Variants in LRRC28 observed in about 807,000 individuals in gnomAD.
LRRC28 encodes the protein leucine rich repeat containing 28.
LRRC28 carries 39 observed loss-of-function variants against 45.7 expected under a neutral mutation model. The observed-to-expected ratio is 0.85, with a 90% CI of 0.66 to 1.12. The LOEUF (loss-of-function observed/expected upper bound fraction) is 1.12. Ranked by LOEUF, LRRC28 falls within the 50% of genes most tolerant of loss-of-function variation. The pLI is 0.00. For synonymous variants in LRRC28, 206 were observed against 178.8 expected (o/e 1.15, Z -1.22); for missense variants, 435 against 438.5 (o/e 0.99, Z 0.07).
intron 3 of LRRC28, among the ~76,000 whole-genome samples, chr15:99,284,289 T>TA (rs927975948): frequency 2.0e-5 from 3 of 152,172 alleles, no homozygotes; most frequent in African/African-American, 4.8e-5. Flanking sequence ...TATCTTTTTT[T>TA]AAAGATACAT....
intron 1 of LRRC28, among the ~76,000 whole-genome samples, chr15:99,255,636 G>A (rs182456785): frequency 1.1e-4 from 16 of 152,172 alleles, no homozygotes; most frequent in Non-Finnish European, 1.6e-4. Flanking sequence ...CCTATCTCAA[G>A]TGCAAAAACT....
At chr15:99,352,707 A>T (rs1255055885) in intron 7 of LRRC28, among the ~76,000 whole-genome samples, 2 of 152,138 alleles carry the variant, frequency 1.3e-5, no homozygotes, top group Non-Finnish European at 2.9e-5. Flanking sequence ...AAACACCTTT[A>T]TTTCCCCCCA....
intron 5 of LRRC28, among the ~76,000 whole-genome samples, chr15:99,322,153 C>T (rs745707078): frequency 2.0e-5 from 3 of 151,978 alleles, no homozygotes; most frequent in South Asian, 2.1e-4. Flanking sequence ...TAGATTGTAG[C>T]GAGGTGGGGA....
At chr15:99,361,622 C>T (rs1352952029) in intron 8 of LRRC28, 111 bp downstream of exon 8, 3 of 1,059,198 alleles carry the variant, frequency 2.8e-6, no homozygotes, top group Non-Finnish European at 4.1e-6. Flanking sequence ...TGGTAAAATA[C>T]ACATAACACG....
chr15:99,270,063 A>G (rs988125641), intron 2 of LRRC28, among the ~76,000 whole-genome samples: 3 of 152,230 alleles, frequency 2.0e-5, no homozygotes, highest in African/African-American at 7.2e-5. Context: ...AGGAATGGAC[A>G]AGTTGAAAAG....
intron 9 of LRRC28, among the ~76,000 whole-genome samples, chr15:99,380,184 A>C (rs1957774591): frequency 6.6e-6 from 1 of 152,172 alleles, no homozygotes. Context: ...GACTCTTTCT[A>C]GGTCTGTAAG....
intron 2 of LRRC28, among the ~76,000 whole-genome samples, chr15:99,274,905 A>T (rs1373719848): frequency 1.3e-5 from 2 of 152,100 alleles, no homozygotes; most frequent in African/African-American, 4.8e-5. Flanking sequence ...CTTATAATTT[A>T]TGTCTTTTGG....
intron 5 of LRRC28, among the ~76,000 whole-genome samples, chr15:99,288,669 C>T (rs960404747): frequency 6.6e-6 from 1 of 151,790 alleles, no homozygotes; most frequent in Non-Finnish European, 1.5e-5. Context: ...CATGAGCCAC[C>T]GTGCCTGGTT....
At chr15:99,265,491 G>A (rs2081308245) in intron 2 of LRRC28, among the ~76,000 whole-genome samples, 2 of 152,176 alleles carry the variant, frequency 1.3e-5, no homozygotes, top group African/African-American at 4.8e-5. Context: ...TCATGGAGAA[G>A]TTTCTGATGA....
chr15:99,350,541 T>C lies in LRRC28; in HGVS notation c.593-1828T>C, dbSNP rs570958345. ...ATTGTATTACAGTTACTGTTTTTCC[T>C]GTTTCCACATCGGTTATGCTGTATT... is the stretch of plus-strand genomic sequence containing the variant. On this transcript the variant is annotated intron_variant, in intron 6 of 9. Transcript: ENST00000301981. Among the ~76,000 whole-genome samples the C allele has an allele frequency of 1.1e-4, 16 of 152,348 alleles. No individual in the cohort carries two copies. The South Asian group carries it at 3.3e-3, about 32-fold the overall frequency.
intron 6 of LRRC28, among the ~76,000 whole-genome samples, chr15:99,349,344 C>T (rs888384077): frequency 6.6e-6 from 1 of 151,896 alleles, no homozygotes; most frequent in Non-Finnish European, 1.5e-5. Flanking sequence ...TCATAAATGA[C>T]ACTGAGACAG....
chr15:99,385,693 G>A (rs1364785514), intron 9 of LRRC28, among the ~76,000 whole-genome samples: 8 of 151,086 alleles, frequency 5.3e-5, no homozygotes. Context: ...TTCTGTGATT[G>A]CGTTGTTGGT....
chr15:99,358,479 GA>G (rs1435887821), intron 7 of LRRC28, among the ~76,000 whole-genome samples: 3 of 149,388 alleles, frequency 2.0e-5, no homozygotes, highest in Admixed American at 6.6e-5. Flanking sequence ...AGAATTGCAA[GA>G]AAAAAATTGA....
Position 99,256,093 on chromosome 15 carries a change from C to G in LRRC28, c.136C>G (p.Leu46Val). The change falls in exon 2 of 10, where the codon CTC (leucine) becomes GTC (valine). Residue 46 changes from leucine to valine, a missense_variant. By Grantham distance (32) the Leu-to-Val change is conservative. Coordinates refer to ENST00000301981, the MANE Select transcript of LRRC28 (RefSeq NM_144598.5). The part of the protein sequence containing the change: ...KDEGLQYLER[L>V]YMKRNSLTSL... ...TGAGGGACTGCAGTACTTGGAGAGA[C>G]TCTATATGAAAAGGAACTCCCTGAC... 1 of 1,611,812 alleles carries G rather than the reference C, an allele frequency of 6.2e-7. No individual in the cohort carries two copies. The highest frequency in any genetic ancestry group is 8.5e-7 in the Non-Finnish European group (1 of 1,179,110).
In LRRC28 at chr15:99,293,719, CA is replaced by C. The variant is rs375834993; in HGVS notation, c.385+5770del. Among the ~76,000 whole-genome samples, 215 of 149,964 alleles carry C rather than the reference CA, an allele frequency of 1.4e-3. 2 individuals are homozygous for C. Among genetic ancestry groups the C allele is most frequent in the African/African-American group, 5.1e-3 (208 of 40,834 alleles). ...AGAGACACAGTCTTGCTGTGTTGCCCAAGCTGATCTCAATCTCCTGGCCTCC... is the reference window on the plus strand; with the variant it reads ...AGAGACACAGTCTTGCTGTGTTGCCCAGCTGATCTCAATCTCCTGGCCTCC... On this transcript the variant is annotated intron_variant, in intron 5 of 9. Transcript: ENST00000301981.
At chr15:99,350,763 A>T (rs1229892169) in intron 6 of LRRC28, among the ~76,000 whole-genome samples, 1 of 152,166 alleles carries the variant, frequency 6.6e-6, no homozygotes, top group Non-Finnish European at 1.5e-5. Flanking sequence ...GAACCCTAGA[A>T]AACCTTTCAA....
intron 7 of LRRC28, among the ~76,000 whole-genome samples, chr15:99,360,127 TA>T (rs1457922795): frequency 1.3e-5 from 2 of 152,192 alleles, no homozygotes; most frequent in Non-Finnish European, 2.9e-5. Context: ...TAACTTCAGC[TA>T]ATATTCCTGG....
intron 6 of LRRC28, 97 bp downstream of exon 6, chr15:99,334,226 T>G: frequency 7.3e-7 from 1 of 1,366,270 alleles, no homozygotes; most frequent in South Asian, 1.2e-5. Context: ...TTCCTTCTGT[T>G]TATCTTGACG....
chr15:99,287,921 G>A lies in LRRC28; in HGVS notation c.355G>A (p.Ala119Thr). The A allele has an allele frequency of 6.2e-7, 1 of 1,613,600 alleles. No homozygotes were observed. The highest frequency in any genetic ancestry group is 2.2e-5 in the East Asian group (1 of 44,798). ...GAGAGCTTTACGTCATCTTCGATTA[G>A]CTAATAACCAACTGCAATTCCTACC... ...RLRALRHLRL[A>T]NNQLQFLPPE... is the part of the protein sequence containing the mutation. The change falls in exon 5 of 10, where the codon GCT (alanine) becomes ACT (threonine). Residue 119 changes from alanine to threonine, a missense_variant. By Grantham distance (58) the Ala-to-Thr change is moderately conservative. Coordinates refer to ENST00000301981, the MANE Select transcript of LRRC28 (RefSeq NM_144598.5).
Sources: gnomAD v4.1 joint callset for allele counts (sites outside exome capture counted in the v4.1 genomes callset) on GRCh38, gnomAD v4.1.1 for gene constraint, MANE v1.5 for transcripts, NCBI Gene and HGNC (gene_info 2026-07-23, HGNC 2026-07-21) for gene names.